Variants in SKAP1 observed in about 807,000 individuals in gnomAD.
SKAP1 encodes src kinase-associated phosphoprotein 1.
Under a neutral mutation model 58.5 loss-of-function variants are expected in SKAP1, and 44 were observed. That is an observed-to-expected ratio of 0.75 (90% CI 0.59 to 0.97). SKAP1 has a LOEUF of 0.97. SKAP1 is among the 50% of genes least tolerant of loss of function. The probability of loss-of-function intolerance (pLI) is 0.00; values close to 1 mark genes in which losing one functional copy is unlikely to be tolerated. For synonymous variants in SKAP1, 127 were observed against 149.7 expected, an observed-to-expected ratio of 0.85 and a Z score of 1.11; for missense variants, 390 against 435.2, an observed-to-expected ratio of 0.90 and a Z score of 0.92.
At chr17:48,206,117 G>A (rs962489699) in intron 4 of SKAP1, among the ~76,000 whole-genome samples, 1 of 152,206 alleles carries the variant, frequency 6.6e-6, no homozygotes, top group Non-Finnish European at 1.5e-5. Context: ...ATCATCTGGT[G>A]TGTTTGATAA....
intron 4 of SKAP1, among the ~76,000 whole-genome samples, chr17:48,331,610 A>C (rs1161891055): frequency 6.6e-6 from 1 of 152,108 alleles, no homozygotes; most frequent in Non-Finnish European, 1.5e-5. Flanking sequence ...GAGGCAGGAG[A>C]ACCGCTTGAA....
intron 4 of SKAP1, among the ~76,000 whole-genome samples, chr17:48,301,810 C>T (rs1017430199): frequency 6.6e-6 from 1 of 152,140 alleles, no homozygotes; most frequent in African/African-American, 2.4e-5. Context: ...CCTTATGGTC[C>T]CCTGGCTCCT....
intron 3 of SKAP1, among the ~76,000 whole-genome samples, chr17:48,358,401 GT>G (rs1283028130): frequency 6.6e-6 from 1 of 151,954 alleles, no homozygotes; most frequent in East Asian, 1.9e-4. Context: ...CTGCTTTAAT[GT>G]TTTGCTTCTT....
intron 9 of SKAP1, among the ~76,000 whole-genome samples, chr17:48,171,989 G>C (rs1299889484): frequency 2.6e-5 from 4 of 152,264 alleles, no homozygotes; most frequent in African/African-American, 4.8e-5. Context: ...GAATCCAGGA[G>C]GCAGAGGTTG....
chr17:48,209,780 T>C (rs1470101398), intron 4 of SKAP1, among the ~76,000 whole-genome samples: 1 of 152,212 alleles, frequency 6.6e-6, no homozygotes, highest in Non-Finnish European at 1.5e-5. Context: ...CTAAAACATC[T>C]TCTGAATCAG....
intron 4 of SKAP1, among the ~76,000 whole-genome samples, chr17:48,285,508 A>G (rs1358708023): frequency 6.6e-6 from 1 of 151,880 alleles, no homozygotes; most frequent in African/African-American, 2.4e-5. Flanking sequence ...TCAACTACTC[A>G]GGAGGCTGAG....
At chr17:48,172,592 T>C (rs1433280236) in intron 9 of SKAP1, among the ~76,000 whole-genome samples, 2 of 152,204 alleles carry the variant, frequency 1.3e-5, no homozygotes, top group Non-Finnish European at 2.9e-5. Flanking sequence ...AGATAGGGTA[T>C]AGTAAGCAAT....
chr17:48,257,628 C>CTTTTTTTTTTTTTTTTTTTTGTTTT (rs2065438880), intron 4 of SKAP1, among the ~76,000 whole-genome samples: 1 of 111,150 alleles, frequency 9.0e-6, no homozygotes, highest in African/African-American at 3.2e-5. Flanking sequence ...TTCTTTCTTT[C>CTTTTTTTTTTTTTTTTTTTTGTTTT]TTTTTTTTTT....
intron 1 of SKAP1, among the ~76,000 whole-genome samples, chr17:48,429,128 G>A (rs1318792440): frequency 6.6e-6 from 1 of 152,214 alleles, no homozygotes; most frequent in African/African-American, 2.4e-5. Flanking sequence ...CAGGCCGTCT[G>A]TTAAATATGT....
At chr17:48,250,969 T>C (rs2065357281) in intron 4 of SKAP1, among the ~76,000 whole-genome samples, 1 of 152,228 alleles carries the variant, frequency 6.6e-6, no homozygotes, top group Non-Finnish European at 1.5e-5. Flanking sequence ...CCAGCTCCTC[T>C]GAACTCGTGT....
In SKAP1 at chr17:48,240,713, G is replaced by T. The variant is rs142590916; in HGVS notation, c.281-51213C>A. Reference sequence around the variant, plus strand: ...GTGTTGTTCCAGTGGAATTACTGGAGGGACATCAGAATGACCTAATCCTTG... The same window carrying T: ...GTGTTGTTCCAGTGGAATTACTGGATGGACATCAGAATGACCTAATCCTTG... On this transcript the variant is annotated intron_variant, in intron 4 of 12. Coordinates refer to ENST00000336915, the MANE Select transcript of SKAP1 (RefSeq NM_003726.4). Among the ~76,000 whole-genome samples the T allele has an allele frequency of 9.8e-5, 15 of 152,306 alleles. 1 individual carries two copies. The highest frequency in any genetic ancestry group is 3.4e-4 in the African/African-American group (14 of 41,570).
chr17:48,203,392 G>A (rs952335253), intron 4 of SKAP1, among the ~76,000 whole-genome samples: 5 of 152,204 alleles, frequency 3.3e-5, no homozygotes, highest in African/African-American at 1.2e-4. Flanking sequence ...AAATAGCAAA[G>A]TTTAGAAGAC....
intron 4 of SKAP1, among the ~76,000 whole-genome samples, chr17:48,245,787 C>T (rs934907213): frequency 1.3e-5 from 2 of 152,222 alleles, no homozygotes; most frequent in Non-Finnish European, 2.9e-5. Context: ...ACCAGCCTGG[C>T]CAACAGGGTG....
At chr17:48,170,210 C>A (rs1043009739) in intron 10 of SKAP1, among the ~76,000 whole-genome samples, 7 of 152,214 alleles carry the variant, frequency 4.6e-5, no homozygotes, top group African/African-American at 1.7e-4. Context: ...CATTTCCATT[C>A]CCCTCTGAAC....
At position 48,306,992 on chromosome 17, in the gene SKAP1, C is replaced by T. The variant is rs184363059; in HGVS notation, c.280+38913G>A. Among the ~76,000 whole-genome samples the T allele has an allele frequency of 5.4e-4, 82 of 152,144 alleles. 1 individual carries two copies. Among genetic ancestry groups the T allele is most frequent in the African/African-American group, 1.9e-3 (80 of 41,496 alleles). On this transcript the variant is annotated intron_variant, in intron 4 of 12. Coordinates refer to ENST00000336915, the MANE Select transcript of SKAP1 (RefSeq NM_003726.4). ...TATGTAAGTATTTTTTTAATCCACC[C>T]ACGAAGGATTATGTTGAATTCCCAG...
At chr17:48,440,214 G>T in the SKAP1 span, among the ~76,000 whole-genome samples, 1 of 152,220 alleles carries the variant, frequency 6.6e-6, no homozygotes, top group African/African-American at 2.4e-5. Context: ...GGATTGGTGT[G>T]CAAGACAGGT....
intron 4 of SKAP1, among the ~76,000 whole-genome samples, chr17:48,301,654 T>A (rs1398365706): frequency 6.6e-6 from 1 of 152,108 alleles, no homozygotes; most frequent in Non-Finnish European, 1.5e-5. Flanking sequence ...TTTTTGCAGT[T>A]TTAATAGACA....
intron 11 of SKAP1, among the ~76,000 whole-genome samples, chr17:48,140,615 T>A (rs2063755760): frequency 6.6e-6 from 1 of 152,126 alleles, no homozygotes; most frequent in African/African-American, 2.4e-5. Flanking sequence ...AAATTTAACA[T>A]GTAATCCTGC....
chr17:48,234,914 G>A (rs1381249388), intron 4 of SKAP1, among the ~76,000 whole-genome samples: 1 of 152,178 alleles, frequency 6.6e-6, no homozygotes, highest in Non-Finnish European at 1.5e-5. Context: ...TTGCCATAAA[G>A]CTTTTAGCCT....
Sources: allele counts gnomAD v4.1 joint callset (sites outside exome capture counted in the v4.1 genomes callset), GRCh38; gene constraint gnomAD v4.1.1; transcripts MANE v1.5; gene names NCBI Gene and HGNC (gene_info 2026-07-23, HGNC 2026-07-21).